The following UGGT1 variants were observed in gnomAD, a reference collection of about 807,000 sequenced individuals.
The protein encoded by UGGT1 is UDP-glucose:glycoprotein glucosyltransferase 1.
In UGGT1, 107 loss-of-function variants were observed where a neutral mutation model predicts 203.9. That is an observed-to-expected ratio of 0.52 (90% CI 0.45 to 0.62). UGGT1 has a LOEUF of 0.62. UGGT1 is among the 20% of genes least tolerant of loss of function. The pLI is 0.00. For synonymous variants in UGGT1, 628 were observed against 653.5 expected (o/e 0.96, Z 0.59); for missense variants, 1,673 against 1,867.2 (o/e 0.90, Z 1.92).
chr2:128,091,659 C>G (rs1037385960), intron 1 of UGGT1: 14 of 1,272,626 alleles, frequency 1.1e-5, no homozygotes, highest in Non-Finnish European at 1.5e-5. Context: ...CTTTGAAGAG[C>G]TTTAGATCCT....
At chr2:128,127,596 G>T in intron 12 of UGGT1, 144 bp downstream of exon 12, 1 of 622,154 alleles carries the variant, frequency 1.6e-6, no homozygotes, top group Non-Finnish European at 2.9e-6. Context: ...GTAGGTAGTA[G>T]GCACATGCCA....
intron 39 of UGGT1, 115 bp from the exon 40 acceptor site, chr2:128,187,334 G>A: frequency 8.9e-7 from 1 of 1,118,048 alleles, no homozygotes; most frequent in Non-Finnish European, 1.3e-6. Context: ...TATATCATTT[G>A]GTTCCTTACT....
chr2:128,186,745 G>A lies in UGGT1; in HGVS notation c.4422G>A (p.Trp1474Ter). Reference protein sequence around the residue: ...PIKSLPQEWLWCETWCDDASK... With the variant: ...PIKSLPQEWL ...AATCCCTCCCTCAAGAATGGCTTTGGTGTGAAACGTGGTGTGATGACGCCT... is the reference window on the plus strand; with the variant it reads ...AATCCCTCCCTCAAGAATGGCTTTGATGTGAAACGTGGTGTGATGACGCCT... The change falls in exon 39 of 41, where the codon TGG (tryptophan) becomes TGA (stop). Residue 1474 changes from tryptophan (W) to a stop codon, truncating the protein, a stop_gained. Transcript: ENST00000259253. LOFTEE classifies it high-confidence loss of function. 1 of 1,613,668 alleles carries A rather than the reference G, an allele frequency of 6.2e-7. No individual in the cohort carries two copies. Among genetic ancestry groups the A allele is most frequent in the Non-Finnish European group, 8.5e-7 (1 of 1,179,826 alleles).
intron 35 of UGGT1, 34 bp downstream of exon 35, chr2:128,179,904 T>C (rs1198613381): frequency 1.3e-6 from 2 of 1,569,692 alleles, no homozygotes; most frequent in East Asian, 2.2e-5. Context: ...AACATTCTTA[T>C]TAAGGAGATA....
chr2:128,135,473 G>A (rs1325012444), intron 15 of UGGT1, among the ~76,000 whole-genome samples: 3 of 152,152 alleles, frequency 2.0e-5, no homozygotes, highest in African/African-American at 7.2e-5. Context: ...ACATATAAAT[G>A]CTAAGATATT....
chr2:128,172,654 G>A lies in UGGT1; in HGVS notation c.3186G>A (p.Leu1062=). The change falls in exon 29 of 41, where the codon TTG becomes TTA. Residue 1062 remains leucine, a synonymous_variant. Transcript: ENST00000259253. ...CTAAGGGTCCAATCGCAAAATTTTT[G>A]GATATGCCTCAGTCTCCACTGTTCA... ...SFAKGPIAKF[L]DMPQSPLFTL... The A allele has an allele frequency of 6.2e-7, 1 of 1,614,020 alleles. No homozygotes were observed.
intron 15 of UGGT1, among the ~76,000 whole-genome samples, chr2:128,135,322 A>G (rs1384253565): frequency 6.6e-6 from 1 of 152,386 alleles, no homozygotes; most frequent in South Asian, 2.1e-4. Context: ...CCTGTCAAGG[A>G]CTAAACATAT....
At chr2:128,165,801 A>T (rs1179013881) in intron 26 of UGGT1, among the ~76,000 whole-genome samples, 1 of 151,628 alleles carries the variant, frequency 6.6e-6, no homozygotes, top group Non-Finnish European at 1.5e-5. Flanking sequence ...TCATTCTGTC[A>T]TCTGGGCTAG....
At position 128,189,929 on chromosome 2, in the gene UGGT1, C is replaced by T. The variant is rs1692172166; in HGVS notation, c.*187C>T. On this transcript the variant is annotated 3_prime_UTR_variant, in exon 41 of 41. Transcript: ENST00000259253. ...CCACTGGATCTTTGGGATTAAAGCT[C>T]TGTTGGATTTGTACCTCAGAGGAAG... 4.9e-6 allele frequency: 3 copies of T among 607,340 alleles called. No homozygotes were observed. The highest frequency in any genetic ancestry group is 8.5e-6 in the Non-Finnish European group (3 of 354,440). 37.6% of individuals were successfully genotyped at this position (607,340 alleles called of 1,614,324 possible). A position where few individuals can be genotyped will look rare whatever the true frequency, so the allele number is the denominator to read the frequency against.
At position 128,159,582 on chromosome 2, in the gene UGGT1, T is replaced by G. The variant is rs781569228; in HGVS notation, c.2424T>G (p.Thr808=). Residue 808 remains threonine (T), a synonymous_variant, in exon 23 of 41, where the codon ACT becomes ACG. Coordinates refer to ENST00000259253, the MANE Select transcript of UGGT1 (RefSeq NM_020120.4). ...CCAAAGAGATAAGCTATGAGAACAC[T>G]CAGATCTCCAGAGCAATCTGGGCAG... The part of the protein sequence containing the change: ...NPAKEISYEN[T]QISRAIWAAL... 1.9e-6 allele frequency: 3 copies of G among 1,614,128 alleles called. No homozygotes were observed. Among genetic ancestry groups the G allele is most frequent in the Admixed American group, 3.3e-5 (2 of 60,012 alleles).
At chr2:128,121,418 T>TC in intron 10 of UGGT1, 120 bp downstream of exon 10, 3 of 691,158 alleles carry the variant, frequency 4.3e-6, no homozygotes, top group Admixed American at 3.7e-5. Context: ...TTTTTTTTTT[T>TC]TTTTGAGATG....
rs1439424995 is a variant in UGGT1 at position 128,097,521 on chromosome 2, C to G, written c.151C>G (p.Leu51Val). 24 of 1,614,078 alleles carry G rather than the reference C, an allele frequency of 1.5e-5. No homozygotes were observed. The highest frequency in any genetic ancestry group is 2.0e-5 in the Non-Finnish European group (24 of 1,180,042). Residue 51 changes from leucine to valine, a missense_variant, in exon 2 of 41, where the codon CTT becomes GTT. This residue lies in a region of UGGT1 where 83 missense variants were observed against 87.2 expected (regional missense o/e 0.95). Coordinates refer to ENST00000259253, the MANE Select transcript of UGGT1 (RefSeq NM_020120.4). Reference protein sequence around the residue: ...KADSKAITTSLTTKWFSTPLL... With the variant: ...KADSKAITTSVTTKWFSTPLL... The stretch of plus-strand genomic sequence containing the variant: ...CGACTCAAAAGCCATTACAACCTCT[C>G]TTACAACAAAATGGTTTTCCACTCC...
chr2:128,128,295 TA>T (rs1271610510), intron 12 of UGGT1, among the ~76,000 whole-genome samples: 1 of 147,044 alleles, frequency 6.8e-6, no homozygotes, highest in Non-Finnish European at 1.5e-5. Flanking sequence ...AATCACATCT[TA>T]TTTCTCCTTC....
intron 10 of UGGT1, among the ~76,000 whole-genome samples, chr2:128,122,517 A>G (rs1000921419): frequency 3.3e-5 from 5 of 151,396 alleles, no homozygotes; most frequent in African/African-American, 1.2e-4. Flanking sequence ...CTGAGCAACA[A>G]GAACGAAACT....
At chr2:128,182,409 A>G (rs1157821004) in intron 37 of UGGT1, 119 bp downstream of exon 37, 5 of 1,296,840 alleles carry the variant, frequency 3.9e-6, no homozygotes, top group East Asian at 5.2e-5. Context: ...ATGATAAAAA[A>G]TACACAGTGG....
chr2:128,186,436 A>G (rs909623558), intron 38 of UGGT1, among the ~76,000 whole-genome samples: 5 of 152,076 alleles, frequency 3.3e-5, no homozygotes, highest in African/African-American at 1.2e-4. Flanking sequence ...GGCAAAACGC[A>G]TCTCTAGTAA....
chr2:128,143,922 C>T (rs1313822914), intron 17 of UGGT1, among the ~76,000 whole-genome samples: 3 of 151,934 alleles, frequency 2.0e-5, no homozygotes, highest in Admixed American at 6.6e-5. Flanking sequence ...AAAATGGCTG[C>T]TTCTAATAAA....
In UGGT1 at chr2:128,154,058, T is replaced by TACACAC. The variant is rs768281875; in HGVS notation, c.2137+1155_2137+1156insCACACA. 5.0e-3 allele frequency among the ~76,000 whole-genome samples: 431 copies of TACACAC among 86,906 alleles called. 4 individuals are homozygous for TACACAC. The highest frequency in any genetic ancestry group is 0.015 in the African/African-American group (385 of 24,970). The allele number at this position is 86,906 out of a possible 152,430, so 57.0% of individuals were successfully genotyped here. A position where few individuals can be genotyped will look rare whatever the true frequency, so the allele number is the denominator to read the frequency against. ...TAGGTAGAGGAAAAATACATGTATA[T>TACACAC]ATACACACACACACACACACACACA... On this transcript the variant is annotated intron_variant, in intron 19 of 40. Coordinates refer to ENST00000259253, the MANE Select transcript of UGGT1 (RefSeq NM_020120.4).
At chr2:128,180,584 A>G (rs1691642338) in intron 35 of UGGT1, among the ~76,000 whole-genome samples, 1 of 152,258 alleles carries the variant, frequency 6.6e-6, no homozygotes, top group African/African-American at 2.4e-5. Context: ...AATCAAGTTT[A>G]GACAAATGGA....
Sources: gnomAD v4.1 joint callset for allele counts (sites outside exome capture counted in the v4.1 genomes callset) on GRCh38, gnomAD v4.1.1 for gene constraint, gnomAD v4.1.1 regional missense constraint, MANE v1.5 for transcripts, NCBI Gene and HGNC (gene_info 2026-07-23, HGNC 2026-07-21) for gene names.